The following SYN3 variants were observed in gnomAD, a reference collection of about 807,000 sequenced individuals.
SYN3 encodes synapsin III.
A neutral mutation model predicts 65.8 loss-of-function variants in SYN3; 35 were observed. The observed-to-expected ratio is 0.53, with a 90% CI of 0.41 to 0.70. The LOEUF (loss-of-function observed/expected upper bound fraction) is 0.70, where lower values mean the gene tolerates loss of function less well. Ranked by LOEUF, SYN3 falls within the 30% of genes least tolerant of loss-of-function variation. The pLI, the probability that SYN3 is intolerant of heterozygous loss-of-function variation, is 0.00. For synonymous variants in SYN3, 270 were observed against 292.9 expected (o/e 0.92, Z 0.80); for missense variants, 680 against 749.0 (o/e 0.91, Z 1.08).
intron 2 of SYN3, among the ~76,000 whole-genome samples, chr22:33,002,246 G>C (rs1293820422): frequency 6.6e-6 from 1 of 152,202 alleles, no homozygotes. Flanking sequence ...GACCAATCTG[G>C]TTAAGAAGAG....
intron 7 of SYN3, among the ~76,000 whole-genome samples, chr22:32,561,109 T>A (rs2146352069): frequency 6.6e-6 from 1 of 152,196 alleles, no homozygotes; most frequent in South Asian, 2.1e-4. Context: ...ACAGCCCCAG[T>A]CAGACGACAG....
intron 6 of SYN3, among the ~76,000 whole-genome samples, chr22:32,723,146 T>C (rs576287648): frequency 6.6e-5 from 10 of 152,296 alleles, no homozygotes; most frequent in Admixed American, 2.6e-4. Context: ...TAGTAAGCCA[T>C]CTGCCGCCAG....
At chr22:32,946,617 C>A (rs1478090657) in intron 3 of SYN3, among the ~76,000 whole-genome samples, 2 of 152,038 alleles carry the variant, frequency 1.3e-5, no homozygotes, top group African/African-American at 4.8e-5. Context: ...GTGCAGCACA[C>A]CAACATGGCA....
intron 6 of SYN3, among the ~76,000 whole-genome samples, chr22:32,678,226 T>A (rs1183211389): frequency 6.6e-6 from 1 of 152,194 alleles, no homozygotes; most frequent in Non-Finnish European, 1.5e-5. Flanking sequence ...GACTCTAGAA[T>A]GGAAGTCCAG....
intron 2 of SYN3, among the ~76,000 whole-genome samples, chr22:32,995,068 G>A (rs181920102): frequency 2.3e-4 from 35 of 152,270 alleles, no homozygotes; most frequent in Middle Eastern, 3.4e-3. Flanking sequence ...AGAGCCCACA[G>A]TACCCAGGCC....
intron 6 of SYN3, among the ~76,000 whole-genome samples, chr22:32,660,659 C>T (rs1240590445): frequency 6.6e-6 from 1 of 152,214 alleles, no homozygotes; most frequent in Non-Finnish European, 1.5e-5. Context: ...CCCCTTGTCC[C>T]CAAGTCTGCA....
At chr22:32,856,630 A>T (rs994296164) in intron 6 of SYN3, among the ~76,000 whole-genome samples, 3 of 152,220 alleles carry the variant, frequency 2.0e-5, no homozygotes, top group Non-Finnish European at 2.9e-5. Context: ...TGGGATATTC[A>T]TAACCTTAAA....
intron 6 of SYN3, among the ~76,000 whole-genome samples, chr22:32,641,276 G>A (rs570964688): frequency 3.3e-5 from 5 of 152,076 alleles, no homozygotes; most frequent in South Asian, 2.1e-4. Context: ...TCTGCAACTC[G>A]TACGTGCTTC....
At chr22:32,795,078 G>C (rs548801725) in intron 6 of SYN3, among the ~76,000 whole-genome samples, 1 of 152,224 alleles carries the variant, frequency 6.6e-6, no homozygotes, top group East Asian at 1.9e-4. Flanking sequence ...GCTGTGGACC[G>C]TGGGGCCCTG....
chr22:32,519,808 T>C (rs1252473262), intron 12 of SYN3: 1 of 151,686 alleles, frequency 6.6e-6, no homozygotes, highest in African/African-American at 2.4e-5. Flanking sequence ...GCTGGGAGAG[T>C]GGGGTTATTC....
At chr22:32,650,230 TCTCCCTCC>T (rs747251948) in intron 6 of SYN3, among the ~76,000 whole-genome samples, 1,194 of 93,314 alleles carry the variant, frequency 0.013, 23 homozygotes, top group Non-Finnish European at 0.018. Context: ...TCTCTCTCTC[TCTCCCTCC>T]CTCCCTCCCT....
intron 3 of SYN3, among the ~76,000 whole-genome samples, chr22:32,979,212 GA>G (rs958147405): frequency 1.3e-5 from 2 of 149,242 alleles, no homozygotes; most frequent in African/African-American, 4.9e-5. Flanking sequence ...AAGAAAGAAA[GA>G]AAAAGAAAAG....
At chr22:32,896,618 A>T (rs1028157747) in intron 4 of SYN3, among the ~76,000 whole-genome samples, 3 of 152,244 alleles carry the variant, frequency 2.0e-5, no homozygotes, top group South Asian at 2.1e-4. Flanking sequence ...TAGCCTCAGA[A>T]TTTGAAATTA....
intron 4 of SYN3, among the ~76,000 whole-genome samples, chr22:32,914,148 G>A (rs922592848): frequency 2.6e-5 from 4 of 152,170 alleles, no homozygotes; most frequent in Non-Finnish European, 5.9e-5. Context: ...AAGTGACAGC[G>A]CTGGCTTAAG....
intron 7 of SYN3, among the ~76,000 whole-genome samples, chr22:32,569,565 C>CTATATATATA (rs1190028295): frequency 5.5e-4 from 31 of 56,352 alleles, no homozygotes; most frequent in Middle Eastern, 0.01. Context: ...CTCTCTCTCT[C>CTATATATATA]TCTCTCTATA....
At chr22:33,014,921 G>T in intron 1 of SYN3, 1 of 171,252 alleles carries the variant, frequency 5.8e-6, no homozygotes, top group South Asian at 1.8e-4. Context: ...CCGGGATCCT[G>T]GGGTCTGGAG....
At chr22:32,709,289 C>G (rs988662518) in intron 6 of SYN3, among the ~76,000 whole-genome samples, 1 of 152,190 alleles carries the variant, frequency 6.6e-6, no homozygotes, top group African/African-American at 2.4e-5. Flanking sequence ...ACAACTTGAA[C>G]GGCATCAAAC....
intron 6 of SYN3, among the ~76,000 whole-genome samples, chr22:32,692,155 C>CAAAAAAAAAAAAAAAAAAAAAAG (rs1188224009): frequency 8.7e-5 from 3 of 34,492 alleles, no homozygotes; most frequent in Admixed American, 4.2e-4. Context: ...GACAAAAAGA[C>CAAAAAAAAAAAAAAAAAAAAAAG]AAAAAAAAAA....
intron 6 of SYN3, among the ~76,000 whole-genome samples, chr22:32,770,531 G>A (rs2069745383): frequency 6.6e-6 from 1 of 151,984 alleles, no homozygotes; most frequent in Admixed American, 6.6e-5. Context: ...ACCACCTCGG[G>A]GCCTTTGCAC....
Sources: allele counts gnomAD v4.1 joint callset (sites outside exome capture counted in the v4.1 genomes callset), GRCh38; gene constraint gnomAD v4.1.1; transcripts MANE v1.5; gene names NCBI Gene and HGNC (gene_info 2026-07-23, HGNC 2026-07-21).